Variants in ZFYVE9 observed in about 807,000 individuals in gnomAD.
The protein encoded by ZFYVE9 is zinc finger FYVE domain-containing protein 9.
ZFYVE9 carries 43 observed loss-of-function variants against 126.7 expected under a neutral mutation model. The ratio of observed to expected loss-of-function variants is 0.34; its 90% CI spans 0.27 to 0.44. ZFYVE9 has a LOEUF of 0.44. Among genes scored for constraint, ZFYVE9 ranks in the 20% least tolerant of loss-of-function variants. The pLI is 1.00. For synonymous variants in ZFYVE9, 521 were observed against 597.4 expected, an observed-to-expected ratio of 0.87 and a Z score of 1.87; for missense variants, 1,476 against 1,697.0, an observed-to-expected ratio of 0.87 and a Z score of 2.29.
chr1:52,324,115 T>C (rs1646267906), intron 13 of ZFYVE9, among the ~76,000 whole-genome samples: 1 of 151,108 alleles, frequency 6.6e-6, no homozygotes, highest in Non-Finnish European at 1.5e-5. Flanking sequence ...CTGGGCATAG[T>C]GGTACATAGC....
chr1:52,198,023 A>G (rs1000214893), intron 1 of ZFYVE9, among the ~76,000 whole-genome samples: 1 of 152,116 alleles, frequency 6.6e-6, no homozygotes, highest in Non-Finnish European at 1.5e-5. Flanking sequence ...TGGAGGTGGT[A>G]AAGACTTTGG....
At chr1:52,179,952 C>A (rs544606572) in intron 1 of ZFYVE9, 22 of 1,071,220 alleles carry the variant, frequency 2.1e-5, no homozygotes, top group Non-Finnish European at 2.7e-5. Flanking sequence ...GCAGCGCATC[C>A]TCCAGCAGTC....
intron 2 of ZFYVE9, among the ~76,000 whole-genome samples, chr1:52,221,220 C>T (rs1645121725): frequency 6.6e-6 from 1 of 152,162 alleles, no homozygotes; most frequent in African/African-American, 2.4e-5. Context: ...TGAGGATTTC[C>T]CCATCAACTG....
chr1:52,192,169 A>G, intron 1 of ZFYVE9, among the ~76,000 whole-genome samples: 1 of 152,166 alleles, frequency 6.6e-6, no homozygotes, highest in East Asian at 1.9e-4. Flanking sequence ...TTTGTTTTAC[A>G]TTGATTACTT....
intron 2 of ZFYVE9, among the ~76,000 whole-genome samples, chr1:52,232,614 G>A (rs943231709): frequency 6.6e-6 from 1 of 151,228 alleles, no homozygotes; most frequent in African/African-American, 2.4e-5. Flanking sequence ...TGTAATCCCA[G>A]CTACTTGGGA....
At chr1:52,209,852 C>G (rs1045831591) in intron 1 of ZFYVE9, among the ~76,000 whole-genome samples, 9 of 152,034 alleles carry the variant, frequency 5.9e-5, no homozygotes, top group Non-Finnish European at 1.3e-4. Context: ...TGGACTTTAT[C>G]CTAAGGGCAA....
intron 4 of ZFYVE9, among the ~76,000 whole-genome samples, chr1:52,251,380 G>GT (rs1645445015): frequency 6.6e-6 from 1 of 151,930 alleles, no homozygotes; most frequent in Non-Finnish European, 1.5e-5. Context: ...TGTTACTAGG[G>GT]TTTTTTAAAG....
intron 1 of ZFYVE9, among the ~76,000 whole-genome samples, chr1:52,171,785 A>G (rs1339492993): frequency 3.9e-5 from 6 of 152,160 alleles, no homozygotes; most frequent in Non-Finnish European, 8.8e-5. Context: ...TCTTTTGGCT[A>G]CATAAATGTC....
Position 52,196,674 on chromosome 1 carries a change from A to C in ZFYVE9, c.-142-19695A>C, listed in dbSNP as rs1366543929. 2.0e-5 allele frequency among the ~76,000 whole-genome samples: 3 copies of C among 152,302 alleles called. No individual in the cohort carries two copies. In the East Asian group the frequency reaches 5.8e-4, roughly 29 times the overall value. Reference sequence around the variant, plus strand: ...TAAATTGGAGGTCATGATAAACATCAATAAAGCCTGGAAGGATTGATTATT... The same window carrying C: ...TAAATTGGAGGTCATGATAAACATCCATAAAGCCTGGAAGGATTGATTATT... On this transcript the variant is annotated intron_variant, in intron 1 of 18. Coordinates refer to ENST00000287727, the MANE Select transcript of ZFYVE9 (RefSeq NM_004799.4).
chr1:52,312,908 G>A (rs922047599), intron 13 of ZFYVE9, among the ~76,000 whole-genome samples: 1 of 152,116 alleles, frequency 6.6e-6, no homozygotes, highest in African/African-American at 2.4e-5. Context: ...TTGGAGAGAG[G>A]GTCTTTACAA....
chr1:52,184,088 A>G (rs1465703452), intron 1 of ZFYVE9, among the ~76,000 whole-genome samples: 1 of 151,148 alleles, frequency 6.6e-6, no homozygotes, highest in Non-Finnish European at 1.5e-5. Context: ...ATAAATTCAC[A>G]CAACGGTCAG....
intron 1 of ZFYVE9, among the ~76,000 whole-genome samples, chr1:52,167,522 G>C (rs1172306294): frequency 6.6e-6 from 1 of 152,032 alleles, no homozygotes; most frequent in Non-Finnish European, 1.5e-5. Context: ...GTGAATATTA[G>C]CATAGATCTA....
At chr1:52,270,229 A>G (rs917766118) in intron 7 of ZFYVE9, among the ~76,000 whole-genome samples, 8 of 152,030 alleles carry the variant, frequency 5.3e-5, no homozygotes, top group South Asian at 4.1e-4. Flanking sequence ...GGTTTCCCCA[A>G]TTGTCACAAT....
chr1:52,193,904 C>T (rs538610251), intron 1 of ZFYVE9, among the ~76,000 whole-genome samples: 3 of 152,024 alleles, frequency 2.0e-5, no homozygotes, highest in African/African-American at 7.2e-5. Flanking sequence ...AATGCTTATT[C>T]GTGCTTTATA....
intron 17 of ZFYVE9, among the ~76,000 whole-genome samples, chr1:52,340,511 C>A: frequency 6.6e-6 from 1 of 151,380 alleles, no homozygotes; most frequent in South Asian, 2.1e-4. Context: ...TACATTCCAT[C>A]TTTGCTGTAT....
intron 1 of ZFYVE9, among the ~76,000 whole-genome samples, chr1:52,208,386 C>T (rs1019362801): frequency 1.3e-5 from 2 of 152,020 alleles, no homozygotes; most frequent in Non-Finnish European, 2.9e-5. Flanking sequence ...TTGAATCATA[C>T]TTTTTCTTTC....
At chr1:52,339,884 A>G (rs1443074325) in intron 16 of ZFYVE9, among the ~76,000 whole-genome samples, 1 of 152,234 alleles carries the variant, frequency 6.6e-6, no homozygotes, top group African/African-American at 2.4e-5. Context: ...GCTCCTGGAA[A>G]AATGATTCCT....
intron 1 of ZFYVE9, among the ~76,000 whole-genome samples, chr1:52,209,561 TG>T (rs1358707656): frequency 6.6e-6 from 1 of 152,210 alleles, no homozygotes; most frequent in East Asian, 1.9e-4. Flanking sequence ...GTGCCTATTC[TG>T]GACATTTCAT....
chr1:52,255,917 T>C (rs147125267), intron 4 of ZFYVE9, among the ~76,000 whole-genome samples: 1,426 of 84,130 alleles, frequency 0.017, 27 homozygotes, highest in African/African-American at 0.085. Flanking sequence ...TCTTTTCTTT[T>C]CTTTTCTTTT....
Sources: gnomAD v4.1 joint callset for allele counts (sites outside exome capture counted in the v4.1 genomes callset) on GRCh38, gnomAD v4.1.1 for gene constraint, MANE v1.5 for transcripts, NCBI Gene and HGNC (gene_info 2026-07-23, HGNC 2026-07-21) for gene names.